The following NCK2 variants were observed in gnomAD, a reference collection of about 807,000 sequenced individuals.
NCK2 encodes the protein cytoplasmic protein NCK2.
NCK2 carries 16 observed loss-of-function variants against 33.9 expected under a neutral mutation model. The observed-to-expected ratio is 0.47, with a 90% CI of 0.32 to 0.72. The LOEUF (loss-of-function observed/expected upper bound fraction) is 0.72. Ranked by LOEUF, NCK2 falls within the 30% of genes least tolerant of loss-of-function variation. The probability of loss-of-function intolerance (pLI) is 0.03; values close to 1 mark genes in which losing one functional copy is unlikely to be tolerated. For missense variants in NCK2, 418 were observed against 537.3 expected, an observed-to-expected ratio of 0.78 and a Z score of 2.19; for synonymous variants, 273 against 239.9, an observed-to-expected ratio of 1.14 and a Z score of -1.27.
chr2:105,802,730 C>T (rs1674889937), intron 1 of NCK2, among the ~76,000 whole-genome samples: 1 of 152,246 alleles, frequency 6.6e-6, no homozygotes, highest in African/African-American at 2.4e-5. Context: ...CCACCTCCAA[C>T]ACTGGGGATC....
In NCK2 at chr2:105,798,324, T is replaced by G. The variant is rs191745000; in HGVS notation, c.-200-18106T>G. Among the ~76,000 whole-genome samples, 213 of 152,294 alleles carry G rather than the reference T, an allele frequency of 1.4e-3. 1 individual carries two copies. Among genetic ancestry groups the G allele is most frequent in the South Asian group, 1.9e-3 (9 of 4,826 alleles). On this transcript the variant is annotated intron_variant, in intron 1 of 4. Coordinates refer to ENST00000233154, the MANE Select transcript of NCK2 (RefSeq NM_003581.5). ...GATAGCCTCACTGTGGCCTCTTGTT[T>G]GTACATCCAGAATATTCTTGAAACT...
chr2:105,771,592 A>C (rs10173137), intron 1 of NCK2, among the ~76,000 whole-genome samples: 71,907 of 151,936 alleles, frequency 0.47, 18,078 homozygotes, highest in African/African-American at 0.64. Flanking sequence ...AATTTAGACA[A>C]ATATTTCAAG....
chr2:105,801,028 G>C (rs1183551627), intron 1 of NCK2, among the ~76,000 whole-genome samples: 1 of 152,188 alleles, frequency 6.6e-6, no homozygotes, highest in African/African-American at 2.4e-5. Context: ...GCAGAAGCAG[G>C]GAAGAGATAC....
intron 2 of NCK2, among the ~76,000 whole-genome samples, chr2:105,820,728 G>A (rs975508057): frequency 2.6e-5 from 4 of 152,164 alleles, no homozygotes; most frequent in Admixed American, 1.3e-4. Flanking sequence ...TACTAGGGAC[G>A]GAAGATGCAA....
intron 2 of NCK2, among the ~76,000 whole-genome samples, chr2:105,828,330 C>T (rs1676033522): frequency 6.6e-6 from 1 of 152,076 alleles, no homozygotes; most frequent in African/African-American, 2.4e-5. Context: ...AACAATATGG[C>T]CTAACCATAT....
intron 1 of NCK2, among the ~76,000 whole-genome samples, chr2:105,773,376 C>T (rs1351171986): frequency 6.6e-6 from 1 of 152,084 alleles, no homozygotes; most frequent in Non-Finnish European, 1.5e-5. Flanking sequence ...CACGTGCCGG[C>T]CTCCATCAGT....
chr2:105,806,868 T>C (rs1399447922), intron 1 of NCK2, among the ~76,000 whole-genome samples: 1 of 152,160 alleles, frequency 6.6e-6, no homozygotes, highest in Admixed American at 6.5e-5. Context: ...TCCTACAGAA[T>C]CTTTCTGAAC....
chr2:105,882,297 G>C (rs375062581), intron 4 of NCK2, among the ~76,000 whole-genome samples: 102 of 152,290 alleles, frequency 6.7e-4, no homozygotes, highest in African/African-American at 2.4e-3. Context: ...AGGTGGTTCT[G>C]CTTCTCTCCC....
At chr2:105,834,662 A>T (rs964316102) in intron 2 of NCK2, among the ~76,000 whole-genome samples, 3 of 150,362 alleles carry the variant, frequency 2.0e-5, no homozygotes, top group Non-Finnish European at 3.0e-5. Context: ...TTTTTTTTTC[A>T]ATTTTAATTT....
At chr2:105,845,693 C>T (rs1056299935) in intron 2 of NCK2, among the ~76,000 whole-genome samples, 1 of 151,884 alleles carries the variant, frequency 6.6e-6, no homozygotes, top group Non-Finnish European at 1.5e-5. Context: ...CACGCCCAGC[C>T]GAGGTTTTTT....
rs1408480408 is a variant in NCK2 at position 105,881,708 on chromosome 2, C to T, written c.607C>T (p.Leu203=). The T allele has an allele frequency of 6.2e-7, 1 of 1,614,220 alleles. No individual in the cohort carries two copies. Among genetic ancestry groups the T allele is most frequent in the Admixed American group, 1.7e-5 (1 of 60,034 alleles). The change falls in exon 4 of 5, where the codon CTG becomes TTG. Residue 203 remains leucine (L), a synonymous_variant. Transcript: ENST00000233154. ...GSRVLHVVQT[L]YPFSSVTEEE... is the part of the protein sequence containing the mutation. The stretch of plus-strand genomic sequence containing the variant: ...CCGCGTGCTGCATGTGGTCCAGACG[C>T]TGTACCCCTTCAGCTCAGTCACCGA...
chr2:105,847,963 T>C (rs1676916756), intron 2 of NCK2, among the ~76,000 whole-genome samples: 1 of 152,186 alleles, frequency 6.6e-6, no homozygotes, highest in Admixed American at 6.5e-5. Context: ...CACAGAACTA[T>C]GTCATCCCAA....
chr2:105,809,247 T>C (rs1358363074), intron 1 of NCK2, among the ~76,000 whole-genome samples: 1 of 152,190 alleles, frequency 6.6e-6, no homozygotes. Flanking sequence ...GTTTTTCAAG[T>C]TCCTGTTGCG....
intron 3 of NCK2, among the ~76,000 whole-genome samples, chr2:105,870,026 A>T (rs1036223637): frequency 6.6e-6 from 1 of 152,124 alleles, no homozygotes; most frequent in African/African-American, 2.4e-5. Context: ...GGACACAAGG[A>T]CCCATGTGGT....
chr2:105,846,589 G>A (rs1318277907), intron 2 of NCK2: 1 of 151,972 alleles, frequency 6.6e-6, no homozygotes, highest in Admixed American at 6.6e-5. Flanking sequence ...ATTCTATTGA[G>A]GATGCAGTAC....
intron 1 of NCK2, among the ~76,000 whole-genome samples, chr2:105,782,692 C>A (rs1295861238): frequency 6.6e-6 from 1 of 152,082 alleles, no homozygotes; most frequent in Non-Finnish European, 1.5e-5. Context: ...AGTGGGGGAT[C>A]CGGCCCGTTG....
At chr2:105,841,525 CTTTTTGGG>C (rs750871633) in intron 2 of NCK2, among the ~76,000 whole-genome samples, 1 of 152,162 alleles carries the variant, frequency 6.6e-6, no homozygotes, top group Non-Finnish European at 1.5e-5. Context: ...TGAACCCTGT[CTTTTTGGG>C]TTTTTATGGA....
chr2:105,792,018 G>A (rs1385708436), intron 1 of NCK2, among the ~76,000 whole-genome samples: 1 of 152,210 alleles, frequency 6.6e-6, no homozygotes, highest in Non-Finnish European at 1.5e-5. Flanking sequence ...AAAGCAAGCT[G>A]TTGATTGTGT....
At chr2:105,869,121 A>G (rs1438875519) in intron 3 of NCK2, among the ~76,000 whole-genome samples, 1 of 152,134 alleles carries the variant, frequency 6.6e-6, no homozygotes, top group Non-Finnish European at 1.5e-5. Flanking sequence ...TGCTCCCCCT[A>G]GCCTGTTCAT....
Sources: allele counts gnomAD v4.1 joint callset (sites outside exome capture counted in the v4.1 genomes callset), GRCh38; gene constraint gnomAD v4.1.1; transcripts MANE v1.5; gene names NCBI Gene and HGNC (gene_info 2026-07-23, HGNC 2026-07-21).